The following GTF2F2 variants were observed in gnomAD, a reference collection of about 807,000 sequenced individuals.
GTF2F2 encodes the protein general transcription factor IIF subunit 2, also known as ATP-dependent helicase GTF2F2.
Under a neutral mutation model 42.2 loss-of-function variants are expected in GTF2F2, and 23 were observed. That is an observed-to-expected ratio of 0.55 (90% CI 0.39 to 0.77). The LOEUF (loss-of-function observed/expected upper bound fraction) is 0.77, where lower values mean the gene tolerates loss of function less well. Ranked by LOEUF, GTF2F2 falls within the 30% of genes least tolerant of loss-of-function variation. GTF2F2 has a pLI of 0.00. For synonymous variants in GTF2F2, 105 were observed against 100.8 expected (o/e 1.04, Z -0.25); for missense variants, 261 against 287.2 (o/e 0.91, Z 0.66).
At chr13:45,237,904 A>G (rs775714171) in intron 5 of GTF2F2, among the ~76,000 whole-genome samples, 5 of 152,242 alleles carry the variant, frequency 3.3e-5, no homozygotes, top group East Asian at 1.9e-4. Context: ...AACCATATCA[A>G]ATTATTTAGG....
intron 4 of GTF2F2, among the ~76,000 whole-genome samples, chr13:45,202,825 C>T (rs1317264389): frequency 4.0e-5 from 6 of 151,868 alleles, no homozygotes; most frequent in Admixed American, 1.3e-4. Context: ...TGGTGGCGCA[C>T]GCCTGTAATC....
At chr13:45,151,273 C>T (rs2138119401) in intron 3 of GTF2F2, among the ~76,000 whole-genome samples, 1 of 152,210 alleles carries the variant, frequency 6.6e-6, no homozygotes, top group Non-Finnish European at 1.5e-5. Flanking sequence ...ATAATGGCTT[C>T]CAGCTGCATC....
chr13:45,149,823 T>C (rs1870396295), intron 3 of GTF2F2, 35 bp downstream of exon 3: 2 of 1,486,188 alleles, frequency 1.3e-6, no homozygotes, highest in Admixed American at 2.3e-5. Flanking sequence ...TAGTTAAAAC[T>C]TGAGACTATC....
chr13:45,192,188 A>G (rs1593481985), intron 4 of GTF2F2, among the ~76,000 whole-genome samples: 2 of 152,174 alleles, frequency 1.3e-5, no homozygotes, highest in African/African-American at 4.8e-5. Context: ...TAAAGTATGT[A>G]AAAGATAATG....
At position 45,250,541 on chromosome 13, in the gene GTF2F2, A is replaced by G. The variant is rs887487420; in HGVS notation, c.387-2330A>G. 3.3e-5 allele frequency among the ~76,000 whole-genome samples: 5 copies of G among 152,180 alleles called. No individual in the cohort carries two copies. In the South Asian group the frequency reaches 6.2e-4, roughly 19 times the overall value. On this transcript the variant is annotated intron_variant, in intron 5 of 7. Transcript: ENST00000340473. Reference sequence around the variant, plus strand: ...TCCACTAGAGCAAGTCTTTACTGCTATGTCTCCAACCTCTAACCCAGTGCC... The same window carrying G: ...TCCACTAGAGCAAGTCTTTACTGCTGTGTCTCCAACCTCTAACCCAGTGCC...
chr13:45,249,566 C>T (rs1875787997), intron 5 of GTF2F2, among the ~76,000 whole-genome samples: 1 of 152,036 alleles, frequency 6.6e-6, no homozygotes, highest in Non-Finnish European at 1.5e-5. Flanking sequence ...AAGAGTGTGA[C>T]CAGAATAAGC....
chr13:45,121,882 A>G (rs1287584096), intron 1 of GTF2F2, among the ~76,000 whole-genome samples: 1 of 151,916 alleles, frequency 6.6e-6, no homozygotes, highest in Non-Finnish European at 1.5e-5. Context: ...CTCCAGCAGC[A>G]TGTTACTTGG....
At chr13:45,133,419 A>G (rs1383453174) in intron 1 of GTF2F2, among the ~76,000 whole-genome samples, 1 of 152,198 alleles carries the variant, frequency 6.6e-6, no homozygotes, top group African/African-American at 2.4e-5. Flanking sequence ...AATGCTATCT[A>G]TCTAAGAAGC....
chr13:45,221,615 C>T (rs966736847), intron 5 of GTF2F2, among the ~76,000 whole-genome samples: 6 of 152,156 alleles, frequency 3.9e-5, no homozygotes, highest in Middle Eastern at 3.4e-3. Context: ...GCTGGCCCTG[C>T]CTCCACTACT....
intron 5 of GTF2F2, among the ~76,000 whole-genome samples, chr13:45,210,762 A>G (rs1009954335): frequency 2.0e-5 from 3 of 152,196 alleles, no homozygotes; most frequent in Admixed American, 1.3e-4. Context: ...CTTAGATACT[A>G]TGGTAAGAAA....
At chr13:45,253,901 C>T (rs992418546) in intron 6 of GTF2F2, among the ~76,000 whole-genome samples, 4 of 151,962 alleles carry the variant, frequency 2.6e-5, no homozygotes, top group African/African-American at 9.7e-5. Flanking sequence ...CAGTGAACCC[C>T]GTCTCTACTA....
chr13:45,191,224 A>AAAAAATATGTATATAT, intron 4 of GTF2F2, among the ~76,000 whole-genome samples: 1 of 75,346 alleles, frequency 1.3e-5, no homozygotes, highest in Admixed American at 1.4e-4. Context: ...ACAAAAAAAA[A>AAAAAATATGTATATAT]ATATATATAT....
intron 1 of GTF2F2, among the ~76,000 whole-genome samples, chr13:45,134,746 A>AGTAT (rs1374343413): frequency 6.6e-6 from 1 of 152,148 alleles, no homozygotes; most frequent in Non-Finnish European, 1.5e-5. Context: ...TGTGAGAGGT[A>AGTAT]GTATGGTCTA....
intron 2 of GTF2F2, among the ~76,000 whole-genome samples, chr13:45,148,421 C>G (rs1870312199): frequency 6.6e-6 from 1 of 152,176 alleles, no homozygotes; most frequent in South Asian, 2.1e-4. Flanking sequence ...TCCCTTCTAG[C>G]CAAGTCTGAT....
chr13:45,157,511 G>A (rs888780179), intron 4 of GTF2F2, among the ~76,000 whole-genome samples: 1 of 151,432 alleles, frequency 6.6e-6, no homozygotes, highest in African/African-American at 2.5e-5. Context: ...GGCTCTTATA[G>A]TAATCCAGGG....
At position 45,120,847 on chromosome 13, in the gene GTF2F2, T is replaced by C; in HGVS notation, c.66+126T>C. On this transcript the variant is annotated intron_variant, in intron 1 of 7. Coordinates refer to ENST00000340473, the MANE Select transcript of GTF2F2 (RefSeq NM_004128.3). ...GGCTATCTCGTTAGAGCTTCACACA[T>C]TTTGAGAGGCAGGAGTCATTGTTGT... 5 of 676,644 alleles carry C rather than the reference T, an allele frequency of 7.4e-6. No individual in the cohort carries two copies. In the South Asian group the frequency reaches 8.8e-5, roughly 12 times the overall value. The allele number at this position is 676,644 out of a possible 1,614,324, so 41.9% of individuals were successfully genotyped here.
chr13:45,261,954 A>G (rs1215305754), intron 6 of GTF2F2, among the ~76,000 whole-genome samples: 1 of 152,206 alleles, frequency 6.6e-6, no homozygotes, highest in Non-Finnish European at 1.5e-5. Context: ...TAAGTTATTA[A>G]TAACTTAATG....
chr13:45,141,574 T>C (rs1869929489), intron 2 of GTF2F2, among the ~76,000 whole-genome samples: 1 of 152,210 alleles, frequency 6.6e-6, no homozygotes. Context: ...GGGTAGTTAT[T>C]CTATGCATTA....
At chr13:45,159,110 T>A (rs969938183) in intron 4 of GTF2F2, among the ~76,000 whole-genome samples, 8 of 152,244 alleles carry the variant, frequency 5.3e-5, no homozygotes, top group Admixed American at 2.0e-4. Flanking sequence ...GGTTAGCCAC[T>A]CTACATATTG....
Sources: allele counts gnomAD v4.1 joint callset (sites outside exome capture counted in the v4.1 genomes callset), GRCh38; gene constraint gnomAD v4.1.1; transcripts MANE v1.5; gene names NCBI Gene and HGNC (gene_info 2026-07-23, HGNC 2026-07-21).